Variants in TENM3 observed in about 807,000 individuals in gnomAD.
TENM3 encodes teneurin-3.
Under a neutral mutation model 255.1 loss-of-function variants are expected in TENM3, and 63 were observed. The ratio of observed to expected loss-of-function variants is 0.25; its 90% CI spans 0.20 to 0.30. TENM3 has a LOEUF of 0.30. Ranked by LOEUF, TENM3 falls within the 10% of genes least tolerant of loss-of-function variation. The pLI is 1.00. For missense variants in TENM3, 2,929 were observed against 3,461.1 expected (o/e 0.85, Z 3.86); for synonymous variants, 1,306 against 1,322.3 (o/e 0.99, Z 0.27).
At chr4:182,497,671 C>T (rs138170815) in intron 3 of TENM3, among the ~76,000 whole-genome samples, 55 of 151,974 alleles carry the variant, frequency 3.6e-4, no homozygotes, top group African/African-American at 1.3e-3. Flanking sequence ...TAAAAACAGG[C>T]AACAATTTTA....
chr4:182,187,635 G>T (rs917579416), intron 1 of TENM3, among the ~76,000 whole-genome samples: 3 of 151,890 alleles, frequency 2.0e-5, no homozygotes, highest in South Asian at 2.1e-4. Context: ...TAAAAGGAAA[G>T]AATTCTTTGG....
the TENM3 span, among the ~76,000 whole-genome samples, chr4:181,730,986 G>A: frequency 0.022 from 3,279 of 152,202 alleles, 111 homozygotes; most frequent in African/African-American, 0.074. Flanking sequence ...TAAGAATCCT[G>A]TTCCACATTA....
At chr4:181,726,654 C>T in the TENM3 span, among the ~76,000 whole-genome samples, 2 of 152,260 alleles carry the variant, frequency 1.3e-5, no homozygotes, top group Middle Eastern at 3.4e-3. Context: ...GGTTTCTCCC[C>T]ACCAGCAAGC....
At chr4:181,604,116 T>A in the TENM3 span, among the ~76,000 whole-genome samples, 1 of 151,704 alleles carries the variant, frequency 6.6e-6, no homozygotes, top group Non-Finnish European at 1.5e-5. Context: ...TACAAAAAAA[T>A]TAGCCGGGCG....
chr4:182,594,563 G>A (rs148877082), intron 3 of TENM3, among the ~76,000 whole-genome samples: 8 of 152,224 alleles, frequency 5.3e-5, no homozygotes, highest in Admixed American at 2.6e-4. Flanking sequence ...CTCTCCAGGC[G>A]TATTTGCTTG....
At chr4:182,637,428 G>A (rs1160286996) in intron 5 of TENM3, among the ~76,000 whole-genome samples, 1 of 152,220 alleles carries the variant, frequency 6.6e-6, no homozygotes, top group Non-Finnish European at 1.5e-5. Context: ...GGCTGAGGCA[G>A]AAGGATCACC....
chr4:181,910,643 T>TGC, the TENM3 span, among the ~76,000 whole-genome samples: 1 of 150,402 alleles, frequency 6.6e-6, no homozygotes, highest in African/African-American at 2.5e-5. Context: ...TGTGTGTGTG[T>TGC]GTGTGTGTGT....
intron 3 of TENM3, among the ~76,000 whole-genome samples, chr4:182,471,519 G>A (rs1158162698): frequency 6.6e-6 from 1 of 152,102 alleles, no homozygotes; most frequent in East Asian, 1.9e-4. Context: ...GGTATGTATT[G>A]GTGTATCTAA....
the TENM3 span, among the ~76,000 whole-genome samples, chr4:181,685,517 A>G: frequency 6.6e-6 from 1 of 152,154 alleles, no homozygotes; most frequent in East Asian, 1.9e-4. Context: ...CAGGTTTACA[A>G]TTTTATAAGA....
rs190048575 is a variant in TENM3, at chr4:182,378,561, A to G, written c.511+31632A>G. ...ACATAGCAGGAGAGATTCCAGATGG[A>G]AGGAAAGCATCGCAAAGACCCCAGG... is the stretch of plus-strand genomic sequence containing the variant. On this transcript the variant is annotated intron_variant, in intron 3 of 27. Transcript: ENST00000511685. Among the ~76,000 whole-genome samples the G allele has an allele frequency of 3.3e-4, 50 of 152,232 alleles. 1 individual carries two copies. The highest frequency in any genetic ancestry group is 7.8e-4 in the Admixed American group (12 of 15,302).
chr4:182,451,625 C>T (rs1220972904), intron 3 of TENM3, among the ~76,000 whole-genome samples: 1 of 152,124 alleles, frequency 6.6e-6, no homozygotes, highest in Non-Finnish European at 1.5e-5. Context: ...TATTCATTCC[C>T]TTAAAAGGGC....
chr4:181,448,418 G>T, the TENM3 span, among the ~76,000 whole-genome samples: 48 of 151,878 alleles, frequency 3.2e-4, no homozygotes, highest in Middle Eastern at 3.4e-3. Flanking sequence ...TGATCCGCCC[G>T]CCTCGGCCTC....
chr4:181,587,602 A>G, the TENM3 span, among the ~76,000 whole-genome samples: 1 of 152,206 alleles, frequency 6.6e-6, no homozygotes, highest in Non-Finnish European at 1.5e-5. Flanking sequence ...GCCAAGCATG[A>G]CCACCAGTAA....
chr4:182,103,583 C>T, the TENM3 span, among the ~76,000 whole-genome samples: 1 of 152,156 alleles, frequency 6.6e-6, no homozygotes, highest in African/African-American at 2.4e-5. Context: ...CACACAAAGC[C>T]TGCAATCCAG....
chr4:182,371,856 G>T (rs1249218960), intron 3 of TENM3, among the ~76,000 whole-genome samples: 1 of 152,124 alleles, frequency 6.6e-6, no homozygotes, highest in East Asian at 1.9e-4. Context: ...TCTATTTGAA[G>T]TCCTGACTTA....
chr4:181,929,578 T>C, the TENM3 span, among the ~76,000 whole-genome samples: 1 of 152,132 alleles, frequency 6.6e-6, no homozygotes, highest in African/African-American at 2.4e-5. Flanking sequence ...CACACAATAA[T>C]GGTGGGACAC....
intron 1 of TENM3, among the ~76,000 whole-genome samples, chr4:182,165,460 T>C (rs1366045952): frequency 6.6e-6 from 1 of 152,202 alleles, no homozygotes; most frequent in Non-Finnish European, 1.5e-5. Context: ...TTTAACATCC[T>C]AGCAAATTTT....
the TENM3 span, among the ~76,000 whole-genome samples, chr4:182,119,384 A>G: frequency 6.6e-6 from 1 of 152,148 alleles, no homozygotes; most frequent in East Asian, 1.9e-4. Flanking sequence ...GTCTCCGTGG[A>G]GTTTTTATCT....
chr4:182,531,035 G>A (rs895712003), intron 3 of TENM3, among the ~76,000 whole-genome samples: 1 of 152,162 alleles, frequency 6.6e-6, no homozygotes. Context: ...TGGAGAGAGT[G>A]TAGATGGAGG....
Sources: gnomAD v4.1 joint callset for allele counts (sites outside exome capture counted in the v4.1 genomes callset) on GRCh38, gnomAD v4.1.1 for gene constraint, MANE v1.5 for transcripts, NCBI Gene and HGNC (gene_info 2026-07-23, HGNC 2026-07-21) for gene names.